IMMP2L: variants seen among roughly 807,000 people sequenced by gnomAD.
The protein encoded by IMMP2L is inner mitochondrial membrane peptidase subunit 2.
Under a neutral mutation model 19.3 loss-of-function variants are expected in IMMP2L, and 18 were observed. The ratio of observed to expected loss-of-function variants is 0.93; its 90% confidence interval spans 0.64 to 1.38. IMMP2L has a LOEUF of 1.38. Ranked by LOEUF, IMMP2L falls within the 40% of genes most tolerant of loss-of-function variation. The pLI, the probability that IMMP2L is intolerant of heterozygous loss-of-function variation, is 0.00. For synonymous variants in IMMP2L, 76 were observed against 73.0 expected (o/e 1.04, Z -0.21); for missense variants, 233 against 218.2 (o/e 1.07, Z -0.43).
At chr7:110,743,129 T>C (rs1354106125) in intron 5 of IMMP2L, among the ~76,000 whole-genome samples, 2 of 152,214 alleles carry the variant, frequency 1.3e-5, no homozygotes, top group Non-Finnish European at 2.9e-5. Flanking sequence ...AAAGAAAATA[T>C]ATTAATGTAG....
intron 5 of IMMP2L, among the ~76,000 whole-genome samples, chr7:110,752,387 T>C (rs1216168650): frequency 2.0e-5 from 3 of 152,076 alleles, no homozygotes; most frequent in African/African-American, 7.2e-5. Context: ...TTTTGTCTTT[T>C]AAAAATATTT....
At chr7:111,316,834 CT>C (rs1554443462) in intron 3 of IMMP2L, among the ~76,000 whole-genome samples, 34 of 134,582 alleles carry the variant, frequency 2.5e-4, no homozygotes, top group South Asian at 7.2e-4. Context: ...TTGTTGGCTC[CT>C]TTTTTTTTTC....
rs577996622 is a variant in IMMP2L at position 111,345,511 on chromosome 7, T to C, written c.239+141727A>G. ...CAAATACAGAAGAAGAAATAATGTA[T>C]GGTATTTGATTATTTGAGGACTGCA... On this transcript the variant is annotated intron_variant, in intron 3 of 5. Transcript: ENST00000405709. Among the ~76,000 whole-genome samples the C allele has an allele frequency of 1.5e-4, 23 of 152,284 alleles. No individual in the cohort carries two copies. The South Asian group carries it at 2.7e-3, about 18-fold the overall frequency.
At chr7:111,389,373 T>C (rs539843962) in intron 3 of IMMP2L, among the ~76,000 whole-genome samples, 3 of 152,254 alleles carry the variant, frequency 2.0e-5, no homozygotes, top group Admixed American at 1.3e-4. Context: ...TAGTGAATTA[T>C]GAATTGAATC....
chr7:111,500,955 G>T (rs1176510316), intron 2 of IMMP2L, among the ~76,000 whole-genome samples: 1 of 152,152 alleles, frequency 6.6e-6, no homozygotes, highest in African/African-American at 2.4e-5. Context: ...CACCAGCAAC[G>T]GAACAAAGCT....
At chr7:110,796,328 A>T (rs929347495) in intron 5 of IMMP2L, among the ~76,000 whole-genome samples, 1 of 152,014 alleles carries the variant, frequency 6.6e-6, no homozygotes, top group Non-Finnish European at 1.5e-5. Flanking sequence ...GAGGTAAAGC[A>T]CTGTAGAGAG....
intron 5 of IMMP2L, among the ~76,000 whole-genome samples, chr7:110,838,936 AT>A (rs1485415583): frequency 6.6e-6 from 1 of 152,022 alleles, no homozygotes; most frequent in Non-Finnish European, 1.5e-5. Context: ...AGATCTAGTG[AT>A]TTTGTTTTCC....
intron 3 of IMMP2L, among the ~76,000 whole-genome samples, chr7:111,380,693 T>C (rs548427481): frequency 6.6e-4 from 101 of 152,144 alleles, no homozygotes; most frequent in Non-Finnish European, 6.0e-4. Flanking sequence ...TCACAATAAA[T>C]AGTCACAGTT....
intron 3 of IMMP2L, among the ~76,000 whole-genome samples, chr7:111,110,095 A>G (rs1297074994): frequency 6.6e-6 from 1 of 152,186 alleles, no homozygotes; most frequent in Non-Finnish European, 1.5e-5. Flanking sequence ...AGATCACGCC[A>G]CTGCACTCCA....
At chr7:110,893,236 C>G (rs915176103) in intron 4 of IMMP2L, among the ~76,000 whole-genome samples, 2 of 152,096 alleles carry the variant, frequency 1.3e-5, no homozygotes, top group Non-Finnish European at 2.9e-5. Context: ...ACACACAAAA[C>G]CAACATATTC....
chr7:111,359,694 T>C (rs1208093384), intron 3 of IMMP2L, among the ~76,000 whole-genome samples: 4 of 152,118 alleles, frequency 2.6e-5, no homozygotes, highest in Non-Finnish European at 5.9e-5. Context: ...TGCTCATTGG[T>C]TGTTAAGCAA....
At chr7:111,272,042 T>C (rs1424287310) in intron 3 of IMMP2L, among the ~76,000 whole-genome samples, 2 of 152,186 alleles carry the variant, frequency 1.3e-5, no homozygotes, top group Non-Finnish European at 1.5e-5. Flanking sequence ...CCCCACCCGA[T>C]CTGTTTTCTG....
At chr7:111,367,158 T>C (rs993577264) in intron 3 of IMMP2L, among the ~76,000 whole-genome samples, 8 of 151,692 alleles carry the variant, frequency 5.3e-5, no homozygotes, top group Admixed American at 1.3e-4. Context: ...TGTTATGCTT[T>C]ATAACTACCT....
intron 3 of IMMP2L, among the ~76,000 whole-genome samples, chr7:111,168,757 G>A (rs1806113044): frequency 6.6e-6 from 1 of 151,764 alleles, no homozygotes; most frequent in South Asian, 2.1e-4. Flanking sequence ...AATTTGTCAT[G>A]AGTAAATAAT....
intron 3 of IMMP2L, among the ~76,000 whole-genome samples, chr7:111,149,840 A>G (rs2129602139): frequency 6.6e-6 from 1 of 152,246 alleles, no homozygotes; most frequent in South Asian, 2.1e-4. Flanking sequence ...AAGTGGGAGA[A>G]TCACTTTATG....
intron 3 of IMMP2L, among the ~76,000 whole-genome samples, chr7:111,106,757 T>C (rs1322838620): frequency 6.7e-6 from 1 of 149,892 alleles, no homozygotes; most frequent in Non-Finnish European, 1.5e-5. Context: ...TACCTGACTA[T>C]ACTGTATAAG....
At chr7:111,280,027 A>T (rs563958768) in intron 3 of IMMP2L, among the ~76,000 whole-genome samples, 30 of 152,116 alleles carry the variant, frequency 2.0e-4, no homozygotes, top group Non-Finnish European at 4.0e-4. Context: ...GCCAGGATTT[A>T]TCTATCTTTT....
chr7:110,804,929 C>CAAACA (rs1801521361), intron 5 of IMMP2L, among the ~76,000 whole-genome samples: 2 of 152,018 alleles, frequency 1.3e-5, no homozygotes. Context: ...TGTTTCAGCG[C>CAAACA]TTTACATTAG....
chr7:111,009,390 T>G (rs1824677043), intron 3 of IMMP2L, among the ~76,000 whole-genome samples: 1 of 152,084 alleles, frequency 6.6e-6, no homozygotes. Context: ...GTATTTTTTA[T>G]TTTAGCTTTG....
Sources: allele counts gnomAD v4.1 joint callset (sites outside exome capture counted in the v4.1 genomes callset), GRCh38; gene constraint gnomAD v4.1.1; transcripts MANE v1.5; gene names NCBI Gene and HGNC (gene_info 2026-07-23, HGNC 2026-07-21).